CDH26: variants seen among roughly 807,000 people sequenced by gnomAD.
CDH26 encodes the protein cadherin-like protein 26.
Under a neutral mutation model 90.3 loss-of-function variants are expected in CDH26, and 83 were observed. That is an observed-to-expected ratio of 0.92 (90% confidence interval 0.77 to 1.10). The LOEUF (loss-of-function observed/expected upper bound fraction) is 1.10, where lower values mean the gene tolerates loss of function less well. Among genes scored for constraint, CDH26 ranks in the 50% least tolerant of loss-of-function variants. The pLI is 0.00. For missense variants in CDH26, 1,013 were observed against 1,037.6 expected (o/e 0.98, Z 0.33); for synonymous variants, 397 against 396.3 (o/e 1.00, Z -0.02).
intron 17 of CDH26, among the ~76,000 whole-genome samples, chr20:60,011,350 G>C (rs1397408372): frequency 1.3e-5 from 2 of 152,178 alleles, no homozygotes; most frequent in African/African-American, 4.8e-5. Flanking sequence ...ATGCATTTCT[G>C]TAAATCAGCT....
At chr20:60,020,221 C>T (rs1289572589) in intron 7 of CDH26, among the ~76,000 whole-genome samples, 4 of 152,188 alleles carry the variant, frequency 2.6e-5, no homozygotes, top group Non-Finnish European at 5.9e-5. Context: ...TCATATGGGG[C>T]TATTTCTCAG....
downstream of CDH26, chr20:60,034,132 G>T (rs1014371802): frequency 6.5e-6 from 1 of 152,808 alleles, no homozygotes; most frequent in African/African-American, 2.4e-5. Context: ...TATAGCAAAG[G>T]TGGGAAGCCC....
chr20:59,961,059 C>T (rs1449643695), intron 1 of CDH26, among the ~76,000 whole-genome samples: 1 of 152,164 alleles, frequency 6.6e-6, no homozygotes, highest in South Asian at 2.1e-4. Flanking sequence ...TCAAGAGTTA[C>T]GAGTTTCCTT....
At chr20:59,968,010 TCTTC>T (rs1469624081) in intron 1 of CDH26, among the ~76,000 whole-genome samples, 12 of 118,652 alleles carry the variant, frequency 1.0e-4, no homozygotes, top group South Asian at 2.7e-4. Context: ...TTTCTTTCTT[TCTTC>T]CTTTCTCTCT....
At chr20:60,007,746 A>G (rs1353701405) in intron 17 of CDH26, among the ~76,000 whole-genome samples, 5 of 150,912 alleles carry the variant, frequency 3.3e-5, no homozygotes, top group Non-Finnish European at 7.4e-5. Context: ...TTTTTTTTTA[A>G]CTTCATCCCA....
chr20:60,031,277 C>G, exon 8 of CDH26: 1 of 1,275,948 alleles, frequency 7.8e-7, no homozygotes, highest in Non-Finnish European at 1.0e-6. Context: ...TGCATCATCC[C>G]CCAGGGAAGA....
Position 59,999,626 on chromosome 20 carries a change from T to A in CDH26, c.2060T>A (p.Ile687Asn), listed in dbSNP as rs1221041909. The change falls in exon 14 of 18, where the codon ATC (isoleucine) becomes AAC (asparagine). Residue 687 changes from isoleucine to asparagine, a missense_variant. Physicochemically the swap from Ile to Asn is moderately radical, Grantham distance 149. Transcript: ENST00000348616. ...DVEGQRPALL[I>N]CTAAAGPTQG... is the part of the protein sequence containing the mutation. ...GAAGGCCAGAGGCCGGCTCTGCTCA[T>A]CTGCACAGCTGCAGCAGGACCCACG... 2.5e-6 allele frequency: 4 copies of A among 1,614,210 alleles called. No homozygotes were observed. Among genetic ancestry groups the A allele is most frequent in the South Asian group, 1.1e-5 (1 of 91,082 alleles).
At chr20:59,970,451 A>G (rs560909728) in intron 3 of CDH26, among the ~76,000 whole-genome samples, 5 of 151,064 alleles carry the variant, frequency 3.3e-5, no homozygotes, top group Admixed American at 1.3e-4. Context: ...GTTAATTCCA[A>G]CTGACAGGTC....
rs573304644 is a variant in CDH26 at position 60,029,148 on chromosome 20, G to C, written c.948-2083G>C. Among the ~76,000 whole-genome samples the C allele has an allele frequency of 3.9e-5, 6 of 152,338 alleles. 1 individual carries two copies. Among genetic ancestry groups the C allele is most frequent in the African/African-American group, 1.4e-4 (6 of 41,584 alleles). ...AAAAGAGTCAGATGAAAATGCAGAA[G>C]ATAGAATGGTAGTTTCCAGGAGATG... On this transcript the variant is annotated intron_variant, in intron 7 of 8. Coordinates refer to the CDH26 transcript ENST00000370991.
At chr20:59,985,728 A>C (rs2061449636) in intron 7 of CDH26, among the ~76,000 whole-genome samples, 1 of 152,190 alleles carries the variant, frequency 6.6e-6, no homozygotes, top group Non-Finnish European at 1.5e-5. Context: ...AAGAAGCCAA[A>C]TCATATTGAC....
chr20:60,032,921 C>T (rs765774997), intron 8 of CDH26, among the ~76,000 whole-genome samples: 6 of 151,290 alleles, frequency 4.0e-5, no homozygotes, highest in Non-Finnish European at 5.9e-5. Context: ...GTGGGTGCAG[C>T]GCACCAGCAT....
chr20:60,009,395 C>T (rs1189222354), intron 17 of CDH26, among the ~76,000 whole-genome samples: 1 of 152,226 alleles, frequency 6.6e-6, no homozygotes, highest in Non-Finnish European at 1.5e-5. Flanking sequence ...TGGTGATCAT[C>T]ACGTAGTATC....
Position 59,992,409 on chromosome 20 carries a change from G to A in CDH26, c.1315G>A (p.Val439Ile). The change falls in exon 10 of 18, where the codon GTC (valine) becomes ATC (isoleucine). Residue 439 changes from valine to isoleucine, a missense_variant. By Grantham distance (29) the Val-to-Ile change is conservative. Coordinates refer to ENST00000348616, the MANE Select transcript of CDH26 (RefSeq NM_177980.4). The surrounding 1 kb of genome is among the most constrained non-coding windows in gnomAD (Gnocchi z 5.0). ...ACTGGTTCATGACCCAGCAAATTGG[G>A]TCAGCGTCGACAAAAACTCCGGAGT... ...YELVHDPANW[V>I]SVDKNSGVVI... 6.2e-7 allele frequency: 1 copy of A among 1,614,034 alleles called. No individual in the cohort carries two copies. Among genetic ancestry groups the A allele is most frequent in the Non-Finnish European group, 8.5e-7 (1 of 1,180,000 alleles).
At chr20:59,993,815 T>A (rs1395009057) in intron 10 of CDH26, among the ~76,000 whole-genome samples, 1 of 152,178 alleles carries the variant, frequency 6.6e-6, no homozygotes, top group African/African-American at 2.4e-5. Context: ...TTGCCAGTTT[T>A]CCCCAGGGGC....
chr20:59,987,477 C>T lies in CDH26; in HGVS notation c.862C>T (p.Arg288Ter), dbSNP rs776725958. 29 of 1,611,760 alleles carry T rather than the reference C, an allele frequency of 1.8e-5. No individual in the cohort carries two copies. Among genetic ancestry groups the T allele is most frequent in the African/African-American group, 4.0e-5 (3 of 74,770 alleles). The change falls in exon 8 of 18, where the codon CGA becomes TGA. Residue 288 changes from arginine (R) to a stop codon, truncating the protein, a stop_gained. Transcript: ENST00000348616. LOFTEE classifies it high-confidence loss of function. ...GTATAAGGTTCAGATTCCTGAAGGC[C>T]GAGCCAGCCAGGGCGTGTTGCGTCT... ...ENYKVQIPEG[R>*]ASQGVLRLLV...
chr20:59,996,059 G>T lies in CDH26; in HGVS notation c.1888+5G>T. The T allele has an allele frequency of 6.2e-7, 1 of 1,611,196 alleles. No homozygotes were observed. The highest frequency in any genetic ancestry group is 1.1e-5 in the South Asian group (1 of 90,982). On this transcript the variant is annotated splice_donor_5th_base_variant and intron_variant, in intron 12 of 17. Transcript: ENST00000348616. The stretch of plus-strand genomic sequence containing the variant: ...CAGCATTTGTGGCTCTGGCAGGTCA[G>T]TGGTCTGTAGGGGTGTCCTGGGACT...
intron 1 of CDH26, among the ~76,000 whole-genome samples, chr20:59,967,205 A>G (rs1378185782): frequency 1.3e-5 from 2 of 152,214 alleles, no homozygotes; most frequent in Non-Finnish European, 2.9e-5. Flanking sequence ...GGAGGGGTAC[A>G]CAGGAAGTTT....
In CDH26 at chr20:60,001,267, G is replaced by A; in HGVS notation, c.2098-76G>A. The A allele has an allele frequency of 3.8e-6, 6 of 1,566,132 alleles. No homozygotes were observed. The South Asian group carries it at 6.7e-5, about 18-fold the overall frequency. On this transcript the variant is annotated intron_variant, in intron 14 of 17. Coordinates refer to ENST00000348616, the MANE Select transcript of CDH26 (RefSeq NM_177980.4). ...ATATGAGCAAGGGGAAGTGGTGAGA[G>A]GTCACGCATGCCCACTTTGTTTCCA...
At chr20:60,001,144 C>T (rs1036644846) in intron 14 of CDH26, among the ~76,000 whole-genome samples, 199 bp from the exon 15 acceptor site, 1 of 152,174 alleles carries the variant, frequency 6.6e-6, no homozygotes, top group Non-Finnish European at 1.5e-5. Flanking sequence ...TCCATTGTGC[C>T]TGCCCTTTTA....
Sources: allele counts gnomAD v4.1 joint callset (sites outside exome capture counted in the v4.1 genomes callset), GRCh38; gene constraint gnomAD v4.1.1; non-coding constraint Gnocchi (gnomAD v3.1); transcripts MANE v1.5; gene names NCBI Gene and HGNC (gene_info 2026-07-23, HGNC 2026-07-21).